Variants in TP63 observed in about 807,000 individuals in gnomAD.
TP63 encodes the protein tumor protein p63, also known as tumor protein 63.
Under a neutral mutation model 82.8 loss-of-function variants are expected in TP63, and 17 were observed. The observed-to-expected ratio is 0.21, with a 90% CI of 0.14 to 0.31. The LOEUF (loss-of-function observed/expected upper bound fraction) is 0.31, where lower values mean the gene tolerates loss of function less well. Ranked by LOEUF, TP63 falls within the 10% of genes least tolerant of loss-of-function variation. The pLI is 1.00. For synonymous variants in TP63, 330 were observed against 321.7 expected, an observed-to-expected ratio of 1.03 and a Z score of -0.28; for missense variants, 648 against 895.3, an observed-to-expected ratio of 0.72 and a Z score of 3.52.
chr3:189,715,184 G>C (rs995009496), intron 1 of TP63, among the ~76,000 whole-genome samples: 1 of 151,964 alleles, frequency 6.6e-6, no homozygotes, highest in African/African-American at 2.4e-5. Flanking sequence ...AGAAATCTTT[G>C]AGGCCCTAGA....
intron 1 of TP63, among the ~76,000 whole-genome samples, chr3:189,730,858 C>A (rs1170146493): frequency 6.6e-6 from 1 of 152,154 alleles, no homozygotes; most frequent in Non-Finnish European, 1.5e-5. Flanking sequence ...CTACTAAGTG[C>A]TATTTTATTT....
At chr3:189,657,793 C>A (rs1713517629) in intron 1 of TP63, among the ~76,000 whole-genome samples, 1 of 152,000 alleles carries the variant, frequency 6.6e-6, no homozygotes, top group Non-Finnish European at 1.5e-5. Context: ...TATCAATATG[C>A]ATATGTTCAA....
chr3:189,758,448 A>T (rs1722346987), intron 3 of TP63, among the ~76,000 whole-genome samples: 1 of 152,220 alleles, frequency 6.6e-6, no homozygotes, highest in Non-Finnish European at 1.5e-5. Flanking sequence ...GCACATGTCG[A>T]CAGCCCACCC....
chr3:189,634,635 A>G (rs774797065), intron 1 of TP63, among the ~76,000 whole-genome samples: 22 of 152,114 alleles, frequency 1.4e-4, no homozygotes, highest in Non-Finnish European at 2.5e-4. Context: ...TGATAATATT[A>G]ACAATACAAA....
chr3:189,624,149 T>G, the TP63 span, among the ~76,000 whole-genome samples: 3 of 152,188 alleles, frequency 2.0e-5, no homozygotes, highest in African/African-American at 7.2e-5. Context: ...AAATCCATAG[T>G]TATGGTAAAA....
chr3:189,817,657 AT>A (rs1380152511), intron 4 of TP63, among the ~76,000 whole-genome samples: 3 of 151,990 alleles, frequency 2.0e-5, no homozygotes, highest in African/African-American at 7.2e-5. Flanking sequence ...GAGGTTTTTT[AT>A]TTCTACAAAG....
At chr3:189,885,036 G>A (rs1462885377) in intron 10 of TP63, among the ~76,000 whole-genome samples, 1 of 152,090 alleles carries the variant, frequency 6.6e-6, no homozygotes, top group Admixed American at 6.5e-5. Flanking sequence ...TCCAAAATTT[G>A]AATTATACAT....
intron 1 of TP63, among the ~76,000 whole-genome samples, chr3:189,709,521 C>T (rs998981028): frequency 1.4e-4 from 22 of 152,024 alleles, no homozygotes; most frequent in Admixed American, 4.6e-4. Context: ...TTATTTAAGA[C>T]AGCTTTATGT....
At chr3:189,804,184 T>G (rs866009627) in intron 3 of TP63, among the ~76,000 whole-genome samples, 1 of 152,214 alleles carries the variant, frequency 6.6e-6, no homozygotes, top group African/African-American at 2.4e-5. Context: ...TCATTGTCAG[T>G]AAGCATTGCA....
At chr3:189,850,708 C>G (rs1178675571) in intron 4 of TP63, among the ~76,000 whole-genome samples, 2 of 151,542 alleles carry the variant, frequency 1.3e-5, no homozygotes, top group Non-Finnish European at 2.9e-5. Flanking sequence ...GCACATGTAC[C>G]CTAAAACTTA....
At chr3:189,696,391 A>G (rs1717381950) in intron 1 of TP63, among the ~76,000 whole-genome samples, 1 of 152,104 alleles carries the variant, frequency 6.6e-6, no homozygotes, top group Non-Finnish European at 1.5e-5. Flanking sequence ...CTCATTTACT[A>G]TTATTGCTGA....
chr3:189,767,280 A>G (rs1463101996), intron 3 of TP63, among the ~76,000 whole-genome samples: 2 of 152,050 alleles, frequency 1.3e-5, no homozygotes, highest in Admixed American at 6.6e-5. Flanking sequence ...GCAGTTCTAC[A>G]TGAAAGAAAA....
chr3:189,681,317 C>G (rs578113550), intron 1 of TP63, among the ~76,000 whole-genome samples: 51 of 152,242 alleles, frequency 3.3e-4, no homozygotes, highest in African/African-American at 1.1e-3. Flanking sequence ...GAGCTGGAAC[C>G]TCCTATTTCA....
At chr3:189,687,771 C>T (rs1362831456) in intron 1 of TP63, among the ~76,000 whole-genome samples, 2 of 152,154 alleles carry the variant, frequency 1.3e-5, no homozygotes, top group Non-Finnish European at 2.9e-5. Context: ...CCCTCACTGT[C>T]TTCTCTTCTA....
intron 3 of TP63, among the ~76,000 whole-genome samples, chr3:189,766,885 G>A (rs959563425): frequency 6.6e-6 from 1 of 152,132 alleles, no homozygotes; most frequent in African/African-American, 2.4e-5. Context: ...TTGTTCTTTG[G>A]AGTGACAGGG....
chr3:189,700,173 C>A (rs1242270057), intron 1 of TP63, among the ~76,000 whole-genome samples: 1 of 152,000 alleles, frequency 6.6e-6, no homozygotes, highest in African/African-American at 2.4e-5. Context: ...CCCAGAGGCT[C>A]CTAAAGATGA....
intron 4 of TP63, among the ~76,000 whole-genome samples, chr3:189,830,669 G>A (rs1050253379): frequency 1.3e-5 from 2 of 152,078 alleles, no homozygotes; most frequent in African/African-American, 2.4e-5. Context: ...AGATGGATAA[G>A]GTAAGGTCTC....
At chr3:189,643,157 A>G (rs1392925116) in intron 1 of TP63, among the ~76,000 whole-genome samples, 2 of 152,084 alleles carry the variant, frequency 1.3e-5, no homozygotes. Flanking sequence ...ACATGCCGCT[A>G]TGCCCAGCTA....
intron 4 of TP63, among the ~76,000 whole-genome samples, chr3:189,819,263 A>T (rs543695451): frequency 6.6e-6 from 1 of 152,140 alleles, no homozygotes; most frequent in Non-Finnish European, 1.5e-5. Flanking sequence ...TTGAAGTTAT[A>T]TAAGTATAAG....
Sources: allele counts gnomAD v4.1 joint callset (sites outside exome capture counted in the v4.1 genomes callset), GRCh38; gene constraint gnomAD v4.1.1; transcripts MANE v1.5; gene names NCBI Gene and HGNC (gene_info 2026-07-23, HGNC 2026-07-21).